Variants in CDKAL1 observed in about 807,000 individuals in gnomAD.
CDKAL1 encodes the protein threonylcarbamoyladenosine tRNA methylthiotransferase.
In CDKAL1, 32 loss-of-function variants were observed where a neutral mutation model predicts 68.2. That is an observed-to-expected ratio of 0.47 (90% CI 0.35 to 0.63). CDKAL1 has a LOEUF of 0.63. Ranked by LOEUF, CDKAL1 falls within the 30% of genes least tolerant of loss-of-function variation. The pLI, the probability that CDKAL1 is intolerant of heterozygous loss-of-function variation, is 0.00. For missense variants in CDKAL1, 606 were observed against 696.7 expected (o/e 0.87, Z 1.47); for synonymous variants, 234 against 244.3 (o/e 0.96, Z 0.39).
intron 8 of CDKAL1, among the ~76,000 whole-genome samples, chr6:20,801,850 G>A (rs1299993290): frequency 6.6e-6 from 1 of 152,146 alleles, no homozygotes; most frequent in Admixed American, 6.5e-5. Context: ...TCCCTATAGT[G>A]ATGGAAATAA....
At chr6:20,593,421 A>G (rs9358349) in intron 4 of CDKAL1, among the ~76,000 whole-genome samples, 52,468 of 151,810 alleles carry the variant, frequency 0.35, 9,518 homozygotes, top group East Asian at 0.54. Flanking sequence ...GTCCAGGAAT[A>G]TATCCATTTC....
intron 4 of CDKAL1, among the ~76,000 whole-genome samples, chr6:20,621,143 T>G (rs1767173971): frequency 6.6e-6 from 1 of 152,156 alleles, no homozygotes; most frequent in Non-Finnish European, 1.5e-5. Flanking sequence ...TACCTTGAGA[T>G]TTTTTGGTGG....
intron 10 of CDKAL1, among the ~76,000 whole-genome samples, chr6:20,974,191 G>A (rs1765731935): frequency 1.3e-5 from 2 of 152,158 alleles, no homozygotes; most frequent in Admixed American, 1.3e-4. Flanking sequence ...CGTCATGTTA[G>A]CATCCCAGGC....
intron 2 of CDKAL1, among the ~76,000 whole-genome samples, chr6:20,544,512 C>T (rs11759517): frequency 0.24 from 35,075 of 144,762 alleles, 4,999 homozygotes; most frequent in East Asian, 0.53. Context: ...AGGAGAATGG[C>T]GTGAACCCAG....
chr6:20,929,765 G>C (rs1763345490), intron 9 of CDKAL1, among the ~76,000 whole-genome samples: 1 of 152,116 alleles, frequency 6.6e-6, no homozygotes, highest in South Asian at 2.1e-4. Context: ...CTTCCCCACT[G>C]ACAGTTGGGC....
chr6:20,719,262 T>C (rs531751483), intron 5 of CDKAL1, among the ~76,000 whole-genome samples: 1 of 152,366 alleles, frequency 6.6e-6, no homozygotes, highest in African/African-American at 2.4e-5. Context: ...TGGTTTTAAC[T>C]CATTACCACA....
intron 9 of CDKAL1, among the ~76,000 whole-genome samples, chr6:20,903,762 G>A (rs970300557): frequency 3.3e-5 from 5 of 152,192 alleles, no homozygotes; most frequent in African/African-American, 9.7e-5. Flanking sequence ...ATAAACATAA[G>A]TCCTTCTGGG....
In CDKAL1 at chr6:20,828,324, G is replaced by A. The variant is rs927687909; in HGVS notation, c.639-17751G>A. On this transcript the variant is annotated intron_variant, in intron 8 of 15. Coordinates refer to ENST00000274695, the MANE Select transcript of CDKAL1 (RefSeq NM_017774.3). ...GCTCATTGCAACCTCCACCTCCTGG[G>A]ATCAATCAATTCTTGTGCCTCAGCC... 2.0e-4 allele frequency among the ~76,000 whole-genome samples: 30 copies of A among 151,932 alleles called. 1 individual carries two copies. The highest frequency in any genetic ancestry group is 7.0e-4 in the African/African-American group (29 of 41,352).
At chr6:20,617,565 C>T (rs1207900383) in intron 4 of CDKAL1, among the ~76,000 whole-genome samples, 1 of 152,136 alleles carries the variant, frequency 6.6e-6, no homozygotes, top group Non-Finnish European at 1.5e-5. Context: ...TATCCCTCCC[C>T]CTGTCCTCCA....
At chr6:20,985,577 G>T (rs540815284) in intron 10 of CDKAL1, among the ~76,000 whole-genome samples, 1 of 152,272 alleles carries the variant, frequency 6.6e-6, no homozygotes, top group East Asian at 1.9e-4. Context: ...TTATAGGCGT[G>T]GGCCACTGCA....
intron 11 of CDKAL1, among the ~76,000 whole-genome samples, chr6:21,016,906 C>A (rs1294521887): frequency 6.6e-6 from 1 of 152,162 alleles, no homozygotes; most frequent in Non-Finnish European, 1.5e-5. Context: ...TAACTCTAGC[C>A]TCACTCCTTC....
intron 10 of CDKAL1, among the ~76,000 whole-genome samples, chr6:20,961,348 C>T (rs867815707): frequency 5.3e-5 from 8 of 152,120 alleles, no homozygotes; most frequent in South Asian, 4.2e-4. Flanking sequence ...AATAGAAAAC[C>T]GAATACCACA....
At chr6:20,922,663 A>T (rs2150653754) in intron 9 of CDKAL1, among the ~76,000 whole-genome samples, 1 of 152,354 alleles carries the variant, frequency 6.6e-6, no homozygotes, top group African/African-American at 2.4e-5. Context: ...TTCACCCAAA[A>T]CAACAATCTT....
At chr6:20,966,201 A>C (rs555200771) in intron 10 of CDKAL1, among the ~76,000 whole-genome samples, 1 of 152,188 alleles carries the variant, frequency 6.6e-6, no homozygotes, top group South Asian at 2.1e-4. Context: ...GTTTATTTCT[A>C]AGATACTAAA....
intron 9 of CDKAL1, among the ~76,000 whole-genome samples, chr6:20,885,504 T>A (rs1338993828): frequency 6.6e-6 from 1 of 152,174 alleles, no homozygotes; most frequent in East Asian, 1.9e-4. Context: ...AAAAATCAAC[T>A]CAAAATTGAA....
chr6:20,962,477 T>C (rs751140245), intron 10 of CDKAL1, among the ~76,000 whole-genome samples: 2 of 152,222 alleles, frequency 1.3e-5, no homozygotes, highest in Non-Finnish European at 2.9e-5. Flanking sequence ...AGACAGTAGA[T>C]ACCTGTCAAG....
intron 5 of CDKAL1, among the ~76,000 whole-genome samples, chr6:20,700,259 G>T (rs1473886107): frequency 6.6e-6 from 1 of 151,804 alleles, no homozygotes; most frequent in Non-Finnish European, 1.5e-5. Flanking sequence ...GGAGGCTGAG[G>T]CAGGAGAATC....
At chr6:21,175,650 G>A (rs1777546383) in intron 13 of CDKAL1, among the ~76,000 whole-genome samples, 1 of 152,126 alleles carries the variant, frequency 6.6e-6, no homozygotes, top group Non-Finnish European at 1.5e-5. Flanking sequence ...AAACCAGACA[G>A]GTTTAAAATT....
chr6:21,102,907 C>T (rs1170229542), intron 12 of CDKAL1, among the ~76,000 whole-genome samples: 3 of 152,304 alleles, frequency 2.0e-5, no homozygotes, highest in African/African-American at 7.2e-5. Context: ...AGGCTCTCTA[C>T]CAGAAAGGGA....
Sources: allele counts gnomAD v4.1 joint callset (sites outside exome capture counted in the v4.1 genomes callset), GRCh38; gene constraint gnomAD v4.1.1; transcripts MANE v1.5; gene names NCBI Gene and HGNC (gene_info 2026-07-23, HGNC 2026-07-21).